Variants in CNTNAP2 observed in about 807,000 individuals in gnomAD.
CNTNAP2 encodes contactin associated protein 2, also known as contactin-associated protein-like 2.
CNTNAP2 carries 98 observed loss-of-function variants against 155.2 expected under a neutral mutation model. The observed-to-expected ratio is 0.63, with a 90% CI of 0.54 to 0.75. The LOEUF (loss-of-function observed/expected upper bound fraction) is 0.75. CNTNAP2 is among the 30% of genes least tolerant of loss of function. The probability of loss-of-function intolerance (pLI) is 0.00; values close to 1 mark genes in which losing one functional copy is unlikely to be tolerated. For synonymous variants in CNTNAP2, 651 were observed against 631.2 expected, an observed-to-expected ratio of 1.03 and a Z score of -0.47; for missense variants, 1,727 against 1,688.1, an observed-to-expected ratio of 1.02 and a Z score of -0.40.
intron 1 of CNTNAP2, among the ~76,000 whole-genome samples, chr7:146,378,305 G>C (rs182394332): frequency 3.5e-4 from 54 of 152,232 alleles, no homozygotes; most frequent in Middle Eastern, 3.4e-3. Context: ...GGCTTGAAAT[G>C]TTGCCTTTTG....
intron 11 of CNTNAP2, among the ~76,000 whole-genome samples, chr7:147,513,931 A>G (rs1368582498): frequency 1.3e-5 from 2 of 151,976 alleles, no homozygotes; most frequent in African/African-American, 2.4e-5. Context: ...GAAATCACAC[A>G]CCCCTCCTTC....
chr7:147,788,900 C>CTTTTTTTTTTTTTTT (rs11440955), intron 13 of CNTNAP2, among the ~76,000 whole-genome samples: 12 of 100,746 alleles, frequency 1.2e-4, no homozygotes, highest in Non-Finnish European at 1.9e-4. Flanking sequence ...TTTTCTTTTT[C>CTTTTTTTTTTTTTTT]TTTTTTTTTT....
chr7:146,292,067 A>T (rs893387893), intron 1 of CNTNAP2, among the ~76,000 whole-genome samples: 2 of 152,192 alleles, frequency 1.3e-5, no homozygotes, highest in Admixed American at 6.5e-5. Context: ...AAAATGGGCA[A>T]AGGAGCTGAG....
intron 1 of CNTNAP2, among the ~76,000 whole-genome samples, chr7:146,438,713 G>A (rs1796278069): frequency 6.6e-6 from 1 of 151,064 alleles, no homozygotes; most frequent in Non-Finnish European, 1.5e-5. Flanking sequence ...ACTCATAATT[G>A]AACACCAAAA....
chr7:148,071,512 A>G (rs1472941930), intron 15 of CNTNAP2, among the ~76,000 whole-genome samples: 1 of 152,122 alleles, frequency 6.6e-6, no homozygotes, highest in Non-Finnish European at 1.5e-5. Flanking sequence ...CAAAATATGG[A>G]TAAAATATCT....
chr7:146,561,289 G>T (rs1452841093), intron 1 of CNTNAP2, among the ~76,000 whole-genome samples: 1 of 152,054 alleles, frequency 6.6e-6, no homozygotes, highest in East Asian at 1.9e-4. Context: ...TTACCTGACT[G>T]GCCAGCATAT....
chr7:148,344,995 G>T (rs1342779485), intron 21 of CNTNAP2, among the ~76,000 whole-genome samples: 1 of 152,214 alleles, frequency 6.6e-6, no homozygotes, highest in African/African-American at 2.4e-5. Flanking sequence ...TCCCCGAGTG[G>T]TGGAGCCATG....
chr7:147,884,634 G>C (rs1259277980), intron 13 of CNTNAP2, among the ~76,000 whole-genome samples: 1 of 152,062 alleles, frequency 6.6e-6, no homozygotes, highest in African/African-American at 2.4e-5. Context: ...TGTCTTTCCT[G>C]CTGTTGTCAG....
intron 10 of CNTNAP2, among the ~76,000 whole-genome samples, chr7:147,456,414 A>G (rs1797918770): frequency 6.6e-6 from 1 of 152,208 alleles, no homozygotes; most frequent in East Asian, 1.9e-4. Context: ...TTTAACATAC[A>G]GAAATCACTA....
intron 13 of CNTNAP2, among the ~76,000 whole-genome samples, chr7:147,734,206 T>C (rs1370808986): frequency 2.0e-5 from 3 of 152,214 alleles, no homozygotes; most frequent in South Asian, 2.1e-4. Flanking sequence ...ACCTAATTTA[T>C]TGAGAGTTTT....
intron 15 of CNTNAP2, among the ~76,000 whole-genome samples, chr7:148,068,006 G>T (rs371970205): frequency 6.6e-6 from 1 of 152,052 alleles, no homozygotes; most frequent in African/African-American, 2.4e-5. Context: ...GCACCCCACC[G>T]ATAGCACTGA....
intron 14 of CNTNAP2, among the ~76,000 whole-genome samples, chr7:147,937,980 G>A (rs995297374): frequency 3.3e-5 from 5 of 152,000 alleles, no homozygotes; most frequent in Non-Finnish European, 7.4e-5. Context: ...AATTCTCAGG[G>A]GCAGTCCTCA....
At chr7:146,476,862 G>A (rs1305584244) in intron 1 of CNTNAP2, among the ~76,000 whole-genome samples, 1 of 152,072 alleles carries the variant, frequency 6.6e-6, no homozygotes, top group Non-Finnish European at 1.5e-5. Flanking sequence ...AATCATAGGC[G>A]CACATGCTCT....
chr7:147,917,730 TAAGAGC>T (rs1278691935), intron 14 of CNTNAP2, among the ~76,000 whole-genome samples: 15 of 152,196 alleles, frequency 9.9e-5, no homozygotes, highest in Non-Finnish European at 2.2e-4. Flanking sequence ...AAGGGGCAAC[TAAGAGC>T]CTCTGTCGGA....
Position 146,938,755 on chromosome 7 carries a change from C to T in CNTNAP2, c.402+98851C>T, listed in dbSNP as rs146400383. 1.6e-3 allele frequency among the ~76,000 whole-genome samples: 236 copies of T among 152,050 alleles called. 1 individual carries two copies. Among genetic ancestry groups the T allele is most frequent in the African/African-American group, 4.6e-3 (190 of 41,496 alleles). On this transcript the variant is annotated intron_variant, in intron 3 of 23. Coordinates refer to ENST00000361727, the MANE Select transcript of CNTNAP2 (RefSeq NM_014141.6). ...ATTCCTTATTAGCCCATCAGCTTCT[C>T]GAGGGACAAAAAATTACGCATTTCA... is the stretch of plus-strand genomic sequence containing the variant.
At chr7:147,739,288 G>A (rs1235139255) in intron 13 of CNTNAP2, among the ~76,000 whole-genome samples, 2 of 151,998 alleles carry the variant, frequency 1.3e-5, no homozygotes, top group Non-Finnish European at 2.9e-5. Context: ...GTGTATGTGT[G>A]TGTTTGTGTG....
intron 9 of CNTNAP2, among the ~76,000 whole-genome samples, chr7:147,395,172 G>T (rs1796792208): frequency 6.6e-6 from 1 of 151,878 alleles, no homozygotes; most frequent in African/African-American, 2.4e-5. Context: ...AGGCAATAGG[G>T]AATTAAGAAA....
chr7:148,172,148 A>G (rs1254852928), intron 17 of CNTNAP2, 94 bp from the exon 18 acceptor site: 8 of 1,166,486 alleles, frequency 6.9e-6, no homozygotes, highest in Non-Finnish European at 8.9e-6. Flanking sequence ...TGTGCTATGC[A>G]GTGTCATCTC....
At chr7:147,664,306 C>T (rs1795661669) in intron 13 of CNTNAP2, among the ~76,000 whole-genome samples, 1 of 152,190 alleles carries the variant, frequency 6.6e-6, no homozygotes, top group African/African-American at 2.4e-5. Flanking sequence ...TGTTTCATCT[C>T]TGGCTGACAG....
Sources: allele counts gnomAD v4.1 joint callset (sites outside exome capture counted in the v4.1 genomes callset), GRCh38; gene constraint gnomAD v4.1.1; transcripts MANE v1.5; gene names NCBI Gene and HGNC (gene_info 2026-07-23, HGNC 2026-07-21).